Variants in PTPN21 observed in about 807,000 individuals in gnomAD.
The protein encoded by PTPN21 is protein tyrosine phosphatase non-receptor type 21, also known as tyrosine-protein phosphatase non-receptor type 21.
In PTPN21, 77 loss-of-function variants were observed where a neutral mutation model predicts 131.8. The observed-to-expected ratio is 0.58, with a 90% confidence interval of 0.49 to 0.71. PTPN21 has a LOEUF of 0.71. PTPN21 is among the 30% of genes least tolerant of loss of function. The probability of loss-of-function intolerance (pLI) is 0.00; values close to 1 mark genes in which losing one functional copy is unlikely to be tolerated. For synonymous variants in PTPN21, 715 were observed against 621.3 expected (o/e 1.15, Z -2.24); for missense variants, 1,552 against 1,527.1 (o/e 1.02, Z -0.27).
At position 88,520,118 on chromosome 14, in the gene PTPN21, A is replaced by G. The variant is rs2078367171; in HGVS notation, c.181-2857T>C. ...CCAAAGTTATGCAAGAGAAAGTTAT[A>G]TAAAACCTTATCTTTGGCTGGGTGT... On this transcript the variant is annotated intron_variant, in intron 2 of 18. Transcript: ENST00000556564. 2.0e-5 allele frequency among the ~76,000 whole-genome samples: 3 copies of G among 152,326 alleles called. No individual in the cohort carries two copies. The South Asian group carries it at 6.2e-4, about 32-fold the overall frequency.
chr14:88,476,215 G>C (rs79581364), intron 13 of PTPN21, among the ~76,000 whole-genome samples: 27 of 152,290 alleles, frequency 1.8e-4, no homozygotes, highest in Non-Finnish European at 3.1e-4. Context: ...TAACGATTAA[G>C]ATAATGGCAA....
intron 5 of PTPN21, 87 bp from the exon 6 acceptor site, chr14:88,504,582 G>A (rs1023640541): frequency 4.7e-5 from 49 of 1,039,734 alleles, no homozygotes; most frequent in Middle Eastern, 2.0e-4. Flanking sequence ...AATGACTCTC[G>A]TCACTATCAG....
At chr14:88,473,571 G>C (rs1172574179) in intron 14 of PTPN21, 94 bp downstream of exon 14, 1 of 1,427,628 alleles carries the variant, frequency 7.0e-7, no homozygotes, top group Admixed American at 2.5e-5. Flanking sequence ...ATTAAATTGT[G>C]TTAGAAAATT....
chr14:88,474,904 C>T (rs2077526763), intron 13 of PTPN21, among the ~76,000 whole-genome samples: 1 of 152,052 alleles, frequency 6.6e-6, no homozygotes, highest in African/African-American at 2.4e-5. Context: ...CCATCCTGGC[C>T]AATATGGTGA....
rs1412441766 is a variant in PTPN21 at position 88,533,131 on chromosome 14, T to C, written c.181-15870A>G. On this transcript the variant is annotated intron_variant, in intron 2 of 18. Coordinates refer to ENST00000556564, the MANE Select transcript of PTPN21 (RefSeq NM_007039.4). ...TTTTATATAAAGCTTTACAGTACTC[T>C]AGCCAATTTAATTGGGGTTTCATTA... 3.9e-5 allele frequency among the ~76,000 whole-genome samples: 6 copies of C among 152,294 alleles called. 1 individual carries two copies. The East Asian group carries it at 1.2e-3, about 29-fold the overall frequency.
At chr14:88,509,930 G>A (rs997189888) in intron 3 of PTPN21, among the ~76,000 whole-genome samples, 2 of 152,220 alleles carry the variant, frequency 1.3e-5, no homozygotes, top group African/African-American at 4.8e-5. Context: ...CAGCTACTTG[G>A]GAGGCTGAGG....
At chr14:88,541,477 T>C (rs1418794178) in intron 2 of PTPN21, among the ~76,000 whole-genome samples, 1 of 152,232 alleles carries the variant, frequency 6.6e-6, no homozygotes, top group Non-Finnish European at 1.5e-5. Flanking sequence ...GCTCAACAAT[T>C]GGCCTGGGAA....
At position 88,504,515 on chromosome 14, in the gene PTPN21, G is replaced by GT. The variant is rs1566830244; in HGVS notation, c.517-21dup. 1 of 1,585,132 alleles carries GT rather than the reference G, an allele frequency of 6.3e-7. No homozygotes were observed. Among genetic ancestry groups the GT allele is most frequent in the East Asian group, 2.2e-5 (1 of 44,688 alleles). ...CCATCCCTGAAGAAAACACACAGTG[G>GT]TAAGTATGTGACAATTCACCCCAAT... is the stretch of plus-strand genomic sequence containing the variant. On this transcript the variant is annotated intron_variant, in intron 5 of 18. Transcript: ENST00000556564.
In PTPN21 at chr14:88,479,714, TG is replaced by T; in HGVS notation, c.1716del (p.Arg573GlyfsTer121). On this transcript the variant is annotated frameshift_variant, in exon 13 of 19. Coordinates refer to ENST00000556564, the MANE Select transcript of PTPN21 (RefSeq NM_007039.4). LOFTEE classifies it high-confidence loss of function. ...VYRPPPPYPP[P>X]RPANSTPDLS... The stretch of plus-strand genomic sequence containing the variant: ...AGGTCTGGCGTGCTGTTGGCGGGCC[TG>T]GGGGGCGGGTAGGGTGGGGGTGGCC... 4 of 105,940 alleles carry T rather than the reference TG, an allele frequency of 3.8e-5. No homozygotes were observed. Among genetic ancestry groups the T allele is most frequent in the East Asian group, 4.5e-4 (2 of 4,426 alleles). The allele number at this position is 105,940 out of a possible 1,614,324, so 6.6% of individuals were successfully genotyped here.
chr14:88,504,450 C>T lies in PTPN21; in HGVS notation c.562G>A (p.Val188Met), dbSNP rs1301994394. 22 of 1,612,452 alleles carry T rather than the reference C, an allele frequency of 1.4e-5. No individual in the cohort carries two copies. Among genetic ancestry groups the T allele is most frequent in the African/African-American group, 2.7e-5 (2 of 74,876 alleles). ...EKVLEEATQKVALLHQKYRGL... is the reference protein window; with the variant it reads ...EKVLEEATQKMALLHQKYRGL... ...CTGTATTTCTGATGTAGTAAGGCCA[C>T]TTTTTGGGTTGCTTCTTCCAATACT... Residue 188 changes from valine (V) to methionine (M), a missense_variant, in exon 6 of 19, where the codon GTG becomes ATG. Val to Met is a conservative substitution (Grantham distance 21, BLOSUM62 1). This residue lies in a region of PTPN21 where 206 missense variants were observed against 221.6 expected (regional missense o/e 0.93). Coordinates refer to ENST00000556564, the MANE Select transcript of PTPN21 (RefSeq NM_007039.4).
chr14:88,503,348 T>G (rs2078042016), intron 6 of PTPN21, among the ~76,000 whole-genome samples: 1 of 152,160 alleles, frequency 6.6e-6, no homozygotes, highest in South Asian at 2.1e-4. Context: ...TAACAAAATC[T>G]TTTTGAGCTT....
At chr14:88,527,493 T>C (rs1566845098) in intron 2 of PTPN21, among the ~76,000 whole-genome samples, 1 of 152,206 alleles carries the variant, frequency 6.6e-6, no homozygotes, top group Non-Finnish European at 1.5e-5. Flanking sequence ...AGCCCATGTT[T>C]TGATGTGATT....
In PTPN21 at chr14:88,466,508, TG is replaced by T. The variant is rs1411081745; in HGVS notation, c.*1628del. 6.6e-6 allele frequency: 1 copy of T among 152,054 alleles called. No individual in the cohort carries two copies. Among genetic ancestry groups the T allele is most frequent in the East Asian group, 1.9e-4 (1 of 5,194 alleles). 9.4% of individuals were successfully genotyped at this position (152,054 alleles called of 1,614,324 possible). ...GGAATCAAAATGATGCCTAGAATAGTGTAATTTGGGAAACAGCCCTAGATTT... is the reference window on the plus strand; with the variant it reads ...GGAATCAAAATGATGCCTAGAATAGTTAATTTGGGAAACAGCCCTAGATTT... On this transcript the variant is annotated 3_prime_UTR_variant, in exon 19 of 19. Transcript: ENST00000556564.
chr14:88,516,986 G>C, intron 3 of PTPN21, 106 bp downstream of exon 3: 11 of 1,291,182 alleles, frequency 8.5e-6, no homozygotes, highest in Non-Finnish European at 1.2e-5. Flanking sequence ...AAAAATGTGG[G>C]GCGAGAGGGC....
intron 13 of PTPN21, among the ~76,000 whole-genome samples, chr14:88,476,148 T>G (rs2077544137): frequency 1.3e-5 from 2 of 152,182 alleles, no homozygotes; most frequent in Admixed American, 1.3e-4. Context: ...TACAGTTTAT[T>G]TCACTGTTTT....
chr14:88,474,131 C>CAAAAAAAAAAAAAAAAAAAA lies in PTPN21; in HGVS notation c.2512-349_2512-330dup. Among the ~76,000 whole-genome samples the CAAAAAAAAAAAAAAAAAAAA allele has an allele frequency of 4.3e-5, 2 of 46,686 alleles. 1 individual carries two copies. Among genetic ancestry groups the CAAAAAAAAAAAAAAAAAAAA allele is most frequent in the Non-Finnish European group, 8.1e-5 (2 of 24,678 alleles). 30.6% of individuals were successfully genotyped at this position (46,686 alleles called of 152,430 possible). A position where few individuals can be genotyped will look rare whatever the true frequency, so the allele number is the denominator to read the frequency against. On this transcript the variant is annotated intron_variant, in intron 13 of 18. Transcript: ENST00000556564. ...CAGACGTAACAAATCAGCTGAAGTC[C>CAAAAAAAAAAAAAAAAAAAA]AAAAAAAAAAAAAAAAAAAAAAAAC...
Position 88,516,740 on chromosome 14 carries a change from A to T in PTPN21, c.350+352T>A, listed in dbSNP as rs1453511051. Among the ~76,000 whole-genome samples the T allele has an allele frequency of 6.6e-5, 10 of 152,212 alleles. No individual in the cohort carries two copies. In the East Asian group the frequency reaches 1.9e-3, roughly 29 times the overall value. ...ACATTTCCTTGAGGAATGAAGACAG[A>T]TTTTGTAACTAATTTTCTAAAATCT... On this transcript the variant is annotated intron_variant, in intron 3 of 18. Coordinates refer to ENST00000556564, the MANE Select transcript of PTPN21 (RefSeq NM_007039.4).
chr14:88,536,086 C>A (rs1008890609), intron 2 of PTPN21, among the ~76,000 whole-genome samples: 2 of 152,170 alleles, frequency 1.3e-5, no homozygotes, highest in African/African-American at 4.8e-5. Flanking sequence ...GTGATCAAAG[C>A]AAATTGACTT....
chr14:88,522,166 C>T (rs538794383), intron 2 of PTPN21, among the ~76,000 whole-genome samples: 3 of 151,648 alleles, frequency 2.0e-5, no homozygotes, highest in Non-Finnish European at 4.4e-5. Context: ...GTGGATTGTG[C>T]CTGTAATCCC....
Sources: allele counts gnomAD v4.1 joint callset (sites outside exome capture counted in the v4.1 genomes callset), GRCh38; gene constraint gnomAD v4.1.1; regional missense constraint gnomAD v4.1.1; transcripts MANE v1.5; gene names NCBI Gene and HGNC (gene_info 2026-07-23, HGNC 2026-07-21).